Variants in THSD7B observed in about 807,000 individuals in gnomAD.
THSD7B encodes thrombospondin type-1 domain-containing protein 7B.
Under a neutral mutation model 213.6 loss-of-function variants are expected in THSD7B, and 138 were observed. The ratio of observed to expected loss-of-function variants is 0.65; its 90% CI spans 0.56 to 0.74. The LOEUF (loss-of-function observed/expected upper bound fraction) is 0.74, where lower values mean the gene tolerates loss of function less well. Among genes scored for constraint, THSD7B ranks in the 30% least tolerant of loss-of-function variants. THSD7B has a pLI of 0.00. For synonymous variants in THSD7B, 742 were observed against 687.0 expected (o/e 1.08, Z -1.25); for missense variants, 1,931 against 1,991.5 (o/e 0.97, Z 0.58).
At chr2:137,176,226 G>A (rs1680354876) in intron 7 of THSD7B, among the ~76,000 whole-genome samples, 1 of 152,082 alleles carries the variant, frequency 6.6e-6, no homozygotes, top group Admixed American at 6.6e-5. Context: ...AGGATATGTA[G>A]GCTCTAAAAT....
chr2:137,198,857 CTTACTG>C (rs1680819488), intron 7 of THSD7B, among the ~76,000 whole-genome samples: 2 of 152,054 alleles, frequency 1.3e-5, no homozygotes, highest in South Asian at 4.1e-4. Context: ...TTTAAACCAC[CTTACTG>C]TTGCTGTTTT....
intron 12 of THSD7B, among the ~76,000 whole-genome samples, chr2:137,290,968 C>T (rs924164561): frequency 1.3e-5 from 2 of 152,132 alleles, no homozygotes; most frequent in Admixed American, 6.5e-5. Flanking sequence ...AAGCCAAGGT[C>T]ATCTGTGTAG....
At chr2:137,613,331 G>C (rs576059455) in intron 17 of THSD7B, among the ~76,000 whole-genome samples, 3 of 152,102 alleles carry the variant, frequency 2.0e-5, no homozygotes, top group Non-Finnish European at 4.4e-5. Context: ...ATTACTCTTT[G>C]ACAAGACTCC....
intron 14 of THSD7B, among the ~76,000 whole-genome samples, chr2:137,449,962 G>T (rs955735810): frequency 1.3e-5 from 2 of 152,044 alleles, no homozygotes; most frequent in African/African-American, 4.8e-5. Flanking sequence ...ATACAGGCAT[G>T]TACAACAGGA....
At chr2:137,574,065 A>G (rs1681411214) in intron 17 of THSD7B, among the ~76,000 whole-genome samples, 1 of 152,114 alleles carries the variant, frequency 6.6e-6, no homozygotes, top group Non-Finnish European at 1.5e-5. Flanking sequence ...AGCAGCCTGA[A>G]GAAGTTTAAT....
intron 11 of THSD7B, 118 bp downstream of exon 11, chr2:137,272,780 T>G (rs1007058881): frequency 1.9e-6 from 2 of 1,061,192 alleles, no homozygotes; most frequent in Non-Finnish European, 1.4e-6. Flanking sequence ...GACATTTACA[T>G]ATCTTCAAAT....
At chr2:137,329,257 A>G (rs1322472353) in intron 12 of THSD7B, among the ~76,000 whole-genome samples, 7 of 152,242 alleles carry the variant, frequency 4.6e-5, no homozygotes, top group Admixed American at 4.6e-4. Context: ...GAACTGGAGT[A>G]AAGGTCACTC....
intron 2 of THSD7B, among the ~76,000 whole-genome samples, chr2:136,972,067 C>T (rs1414946427): frequency 1.3e-5 from 2 of 152,246 alleles, no homozygotes; most frequent in African/African-American, 2.4e-5. Flanking sequence ...CAGCTACCTT[C>T]CCTGAAGTCT....
intron 1 of THSD7B, among the ~76,000 whole-genome samples, chr2:136,788,336 G>C (rs934981504): frequency 1.3e-5 from 2 of 152,168 alleles, no homozygotes; most frequent in Non-Finnish European, 2.9e-5. Flanking sequence ...CTAGTGGTCT[G>C]TTGGAACAAT....
intron 4 of THSD7B, among the ~76,000 whole-genome samples, chr2:137,109,816 A>T (rs1573828631): frequency 6.6e-6 from 1 of 152,238 alleles, no homozygotes; most frequent in East Asian, 1.9e-4. Context: ...GCTGACCAGT[A>T]CTGGTCTGTG....
intron 12 of THSD7B, among the ~76,000 whole-genome samples, chr2:137,385,654 A>T (rs145966335): frequency 1.3e-5 from 2 of 152,278 alleles, no homozygotes; most frequent in Non-Finnish European, 2.9e-5. Context: ...TGACTTGAGC[A>T]TTGGAGGATT....
intron 7 of THSD7B, among the ~76,000 whole-genome samples, chr2:137,198,591 GA>G (rs1680813081): frequency 6.6e-6 from 1 of 152,090 alleles, no homozygotes; most frequent in Admixed American, 6.6e-5. Context: ...ATAATGACCA[GA>G]ACATGTCCTT....
intron 2 of THSD7B, among the ~76,000 whole-genome samples, chr2:136,960,357 T>C (rs190697020): frequency 2.0e-4 from 30 of 152,260 alleles, no homozygotes; most frequent in Non-Finnish European, 4.4e-5. Context: ...CAGGCTGGTC[T>C]CAAATTCCTG....
intron 21 of THSD7B, among the ~76,000 whole-genome samples, 161 bp from the exon 22 acceptor site, chr2:137,655,340 G>A (rs1683214174): frequency 6.6e-6 from 1 of 152,176 alleles, no homozygotes; most frequent in Non-Finnish European, 1.5e-5. Flanking sequence ...TGGCAGTGTT[G>A]CTCAGGGATG....
chr2:137,331,382 A>G (rs1684503129), intron 12 of THSD7B, among the ~76,000 whole-genome samples: 1 of 152,136 alleles, frequency 6.6e-6, no homozygotes, highest in South Asian at 2.1e-4. Flanking sequence ...AGCTAGATAC[A>G]GAGTGTTGAT....
chr2:136,837,774 C>G (rs1289715688), intron 1 of THSD7B, among the ~76,000 whole-genome samples: 1 of 152,142 alleles, frequency 6.6e-6, no homozygotes. Context: ...CCTTACCCAT[C>G]CTCTAATTTT....
At chr2:137,620,931 C>A (rs1388815612) in intron 20 of THSD7B, among the ~76,000 whole-genome samples, 1 of 152,162 alleles carries the variant, frequency 6.6e-6, no homozygotes, top group Non-Finnish European at 1.5e-5. Context: ...ATAACAGTGG[C>A]AGACTCCAGA....
intron 1 of THSD7B, among the ~76,000 whole-genome samples, chr2:136,782,212 G>A (rs756521940): frequency 6.6e-6 from 1 of 152,164 alleles, no homozygotes; most frequent in African/African-American, 2.4e-5. Context: ...GTTTACCTGC[G>A]ATGTGTGCGG....
chr2:137,000,404 G>T (rs1278522455), intron 2 of THSD7B, among the ~76,000 whole-genome samples: 1 of 152,008 alleles, frequency 6.6e-6, no homozygotes, highest in Non-Finnish European at 1.5e-5. Flanking sequence ...CTCATTTAAA[G>T]GTGACATATT....
Sources: gnomAD v4.1 joint callset for allele counts (sites outside exome capture counted in the v4.1 genomes callset) on GRCh38, gnomAD v4.1.1 for gene constraint, MANE v1.5 for transcripts, NCBI Gene and HGNC (gene_info 2026-07-23, HGNC 2026-07-21) for gene names.